Variants in LDB2 observed in about 807,000 individuals in gnomAD.
The protein encoded by LDB2 is LIM domain-binding protein 2.
In LDB2, 12 loss-of-function variants were observed where a neutral mutation model predicts 44.3. The ratio of observed to expected loss-of-function variants is 0.27; its 90% confidence interval spans 0.17 to 0.44. The LOEUF is 0.44. LDB2 is among the 20% of genes least tolerant of loss of function. The probability of loss-of-function intolerance (pLI) is 1.00; values close to 1 mark genes in which losing one functional copy is unlikely to be tolerated. For missense variants in LDB2, 344 were observed against 473.5 expected, an observed-to-expected ratio of 0.73 and a Z score of 2.54; for synonymous variants, 164 against 174.8, an observed-to-expected ratio of 0.94 and a Z score of 0.49.
intron 2 of LDB2, among the ~76,000 whole-genome samples, chr4:16,666,089 C>A (rs1743100221): frequency 6.6e-6 from 1 of 152,188 alleles, no homozygotes; most frequent in South Asian, 2.1e-4. Context: ...GAGTACATTT[C>A]TGCGGTTTTA....
intron 2 of LDB2, among the ~76,000 whole-genome samples, chr4:16,637,298 G>GTTTTT (rs1578381692): frequency 1.8e-5 from 1 of 56,932 alleles, no homozygotes; most frequent in Non-Finnish European, 3.1e-5. Context: ...TGCCTAGGCT[G>GTTTTT]ATTTTTTTTT....
chr4:16,763,942 A>G (rs1768583846), intron 1 of LDB2, among the ~76,000 whole-genome samples: 1 of 152,098 alleles, frequency 6.6e-6, no homozygotes, highest in Admixed American at 6.6e-5. Context: ...GGCATATAGT[A>G]GTTGTTCAAT....
intron 2 of LDB2, among the ~76,000 whole-genome samples, chr4:16,609,772 C>A (rs987168600): frequency 1.3e-5 from 2 of 152,146 alleles, no homozygotes; most frequent in African/African-American, 4.8e-5. Flanking sequence ...CTTAGCCTCT[C>A]CTCCTAGTAG....
intron 1 of LDB2, among the ~76,000 whole-genome samples, chr4:16,836,652 A>C (rs550514081): frequency 6.6e-6 from 1 of 151,790 alleles, no homozygotes; most frequent in South Asian, 2.1e-4. Flanking sequence ...CCTCCCTTTT[A>C]CCTCTGCTAT....
At chr4:16,740,295 A>C (rs1762973298) in intron 2 of LDB2, among the ~76,000 whole-genome samples, 1 of 151,870 alleles carries the variant, frequency 6.6e-6, no homozygotes, top group East Asian at 1.9e-4. Context: ...GGCTATTTAA[A>C]CTCTTCTTTT....
chr4:16,841,329 C>T (rs1785855666), intron 1 of LDB2, among the ~76,000 whole-genome samples: 1 of 152,164 alleles, frequency 6.6e-6, no homozygotes, highest in Non-Finnish European at 1.5e-5. Context: ...TATCCCAGAA[C>T]AATCAATATT....
intron 2 of LDB2, among the ~76,000 whole-genome samples, chr4:16,689,011 G>A (rs1178210988): frequency 1.3e-5 from 2 of 152,214 alleles, no homozygotes; most frequent in Non-Finnish European, 2.9e-5. Context: ...GATGACAGAG[G>A]AGCTGAGACC....
Position 16,739,702 on chromosome 4 carries a change from ATG to A in LDB2, c.235+19454_235+19455del, listed in dbSNP as rs1265006329. Among the ~76,000 whole-genome samples the A allele has an allele frequency of 1.1e-4, 9 of 84,830 alleles. 1 individual carries two copies. In the South Asian group the frequency reaches 1.7e-3, roughly 16 times the overall value. 55.7% of individuals were successfully genotyped at this position (84,830 alleles called of 152,430 possible). A position where few individuals can be genotyped will look rare whatever the true frequency, so the allele number is the denominator to read the frequency against. ...TGTGTATATATGTATATATACATAT[ATG>A]TGTATATATGTATATATACATATAT... is the stretch of plus-strand genomic sequence containing the variant. On this transcript the variant is annotated intron_variant, in intron 2 of 7. Coordinates refer to ENST00000304523, the MANE Select transcript of LDB2 (RefSeq NM_001290.5).
chr4:16,798,424 G>T (rs2109709310), intron 1 of LDB2, among the ~76,000 whole-genome samples: 1 of 152,296 alleles, frequency 6.6e-6, no homozygotes, highest in South Asian at 2.1e-4. Context: ...AGGACCCTGA[G>T]AATCCAGGAG....
At chr4:16,659,228 G>A (rs1413292512) in intron 2 of LDB2, among the ~76,000 whole-genome samples, 1 of 152,114 alleles carries the variant, frequency 6.6e-6, no homozygotes, top group African/African-American at 2.4e-5. Context: ...GATGTACTTG[G>A]CAGCTTGATC....
chr4:16,732,532 T>C (rs1345731121), intron 2 of LDB2, among the ~76,000 whole-genome samples: 2 of 152,238 alleles, frequency 1.3e-5, no homozygotes, highest in African/African-American at 2.4e-5. Context: ...TCCTCATTAA[T>C]AACCCTGATT....
intron 1 of LDB2, among the ~76,000 whole-genome samples, chr4:16,802,448 C>T (rs530720593): frequency 6.6e-6 from 1 of 152,248 alleles, no homozygotes; most frequent in East Asian, 1.9e-4. Context: ...CTATGGATGG[C>T]GCTGGGGTGT....
intron 1 of LDB2, among the ~76,000 whole-genome samples, chr4:16,808,563 G>C (rs1779210461): frequency 6.6e-6 from 1 of 152,132 alleles, no homozygotes; most frequent in South Asian, 2.1e-4. Flanking sequence ...CTTAACTGCT[G>C]CTGCTAATGG....
At chr4:16,532,732 G>A (rs573058415) in intron 5 of LDB2, among the ~76,000 whole-genome samples, 8 of 152,154 alleles carry the variant, frequency 5.3e-5, no homozygotes, top group South Asian at 4.2e-4. Context: ...ACCTTGCTCC[G>A]AATAATAACC....
rs557304005 is a variant in LDB2, at chr4:16,527,620, G to A, written c.616-15516C>T. Among the ~76,000 whole-genome samples, 6 of 152,076 alleles carry A rather than the reference G, an allele frequency of 3.9e-5. No individual in the cohort carries two copies. In the East Asian group the frequency reaches 5.8e-4, roughly 15 times the overall value. The stretch of plus-strand genomic sequence containing the variant: ...TTATATGAAAAAGACACTTGGACAC[G>A]CATGTTTAGACCAGCACAATTTGCA... On this transcript the variant is annotated intron_variant, in intron 5 of 7. Coordinates refer to ENST00000304523, the MANE Select transcript of LDB2 (RefSeq NM_001290.5).
intron 5 of LDB2, among the ~76,000 whole-genome samples, chr4:16,520,465 G>A (rs571781808): frequency 6.6e-6 from 1 of 152,260 alleles, no homozygotes; most frequent in Admixed American, 6.5e-5. Context: ...TTATGATTGA[G>A]GTTTATTTCC....
At chr4:16,702,975 C>T (rs2152637667) in intron 2 of LDB2, among the ~76,000 whole-genome samples, 1 of 152,274 alleles carries the variant, frequency 6.6e-6, no homozygotes, top group East Asian at 1.9e-4. Flanking sequence ...AATGTGGATC[C>T]TCTAGGAAGC....
intron 2 of LDB2, among the ~76,000 whole-genome samples, chr4:16,715,187 C>T (rs1756824093): frequency 6.6e-6 from 1 of 152,162 alleles, no homozygotes; most frequent in African/African-American, 2.4e-5. Context: ...AACTGGCCCA[C>T]ATTACCCAGG....
At chr4:16,603,156 A>C (rs879517042) in intron 2 of LDB2, among the ~76,000 whole-genome samples, 1 of 152,244 alleles carries the variant, frequency 6.6e-6, no homozygotes, top group Non-Finnish European at 1.5e-5. Flanking sequence ...ACTGACAATA[A>C]CATTGTATAG....
Sources: allele counts gnomAD v4.1 joint callset (sites outside exome capture counted in the v4.1 genomes callset), GRCh38; gene constraint gnomAD v4.1.1; transcripts MANE v1.5; gene names NCBI Gene and HGNC (gene_info 2026-07-23, HGNC 2026-07-21).